The following TMEM272 variants were observed in gnomAD, a reference collection of about 807,000 sequenced individuals.
The protein encoded by TMEM272 is long intergenic non-protein coding RNA 282.
In TMEM272, 8 loss-of-function variants were observed where a neutral mutation model predicts 3.7. The observed-to-expected ratio is 2.17, with a 90% CI of 1.27 to 3.91. TMEM272 has a LOEUF of 3.91. TMEM272 is among the 30% of genes most tolerant of loss of function. TMEM272 has a pLI of 0.00. For missense variants in TMEM272, 166 were observed against 91.5 expected, an observed-to-expected ratio of 1.81 and a Z score of -3.32; for synonymous variants, 63 against 39.8, an observed-to-expected ratio of 1.58 and a Z score of -2.20.
At chr13:51,863,703 ACACAC>A in the TMEM272 span, among the ~76,000 whole-genome samples, 42 of 131,714 alleles carry the variant, frequency 3.2e-4, no homozygotes, top group Admixed American at 7.1e-4. Flanking sequence ...ACACACACAC[ACACAC>A]ACCAGCTATG....
chr13:51,870,002 G>A, the TMEM272 span, among the ~76,000 whole-genome samples: 1 of 152,190 alleles, frequency 6.6e-6, no homozygotes, highest in Non-Finnish European at 1.5e-5. Context: ...CTATTCAAGA[G>A]GTCTAGCTTT....
upstream of TMEM272, among the ~76,000 whole-genome samples, chr13:51,846,221 G>A (rs374071786): frequency 6.6e-6 from 1 of 152,200 alleles, no homozygotes; most frequent in South Asian, 2.1e-4. Context: ...AAGGGGAGGA[G>A]AGCCTGCTAG....
intron 1 of TMEM272, among the ~76,000 whole-genome samples, chr13:51,842,750 C>T (rs907789225): frequency 2.6e-5 from 4 of 152,180 alleles, no homozygotes; most frequent in Non-Finnish European, 5.9e-5. Flanking sequence ...CTTTCTGTTA[C>T]CATTTGGTCT....
chr13:51,841,753 C>T (rs528823658), intron 1 of TMEM272, among the ~76,000 whole-genome samples: 35 of 152,246 alleles, frequency 2.3e-4, no homozygotes, highest in Admixed American at 1.5e-3. Flanking sequence ...CAACACAAGT[C>T]GCAGGTATTA....
the TMEM272 span, among the ~76,000 whole-genome samples, chr13:51,878,098 G>A: frequency 6.6e-6 from 1 of 152,196 alleles, no homozygotes; most frequent in Non-Finnish European, 1.5e-5. Flanking sequence ...GCGGCAGGGA[G>A]AAGTGCCAAG....
the TMEM272 span, among the ~76,000 whole-genome samples, chr13:51,867,488 G>A: frequency 6.6e-6 from 1 of 152,124 alleles, no homozygotes; most frequent in East Asian, 1.9e-4. Context: ...TGGAGAGCTA[G>A]GGAGAGGAGA....
At chr13:51,843,677 C>A (rs1005786594) in intron 1 of TMEM272, among the ~76,000 whole-genome samples, 9 of 152,148 alleles carry the variant, frequency 5.9e-5, no homozygotes, top group African/African-American at 2.2e-4. Flanking sequence ...CCGGGCAGTG[C>A]CTTCTCTCCA....
chr13:51,889,640 G>T, the TMEM272 span, among the ~76,000 whole-genome samples: 4 of 151,902 alleles, frequency 2.6e-5, no homozygotes, highest in East Asian at 5.8e-4. Flanking sequence ...GTGTGTGGGG[G>T]GGTTTTGTTT....
chr13:51,866,956 T>C, the TMEM272 span, among the ~76,000 whole-genome samples: 1 of 152,232 alleles, frequency 6.6e-6, no homozygotes, highest in South Asian at 2.1e-4. Flanking sequence ...ATTGAATGAA[T>C]GTACATGAAT....
chr13:51,885,524 C>T, the TMEM272 span, among the ~76,000 whole-genome samples: 1 of 152,220 alleles, frequency 6.6e-6, no homozygotes, highest in African/African-American at 2.4e-5. Context: ...CAATTACCTA[C>T]CACCGGATCC....
the TMEM272 span, chr13:51,909,350 C>T: frequency 1.1e-6 from 1 of 873,772 alleles, no homozygotes; most frequent in Non-Finnish European, 1.9e-6. Flanking sequence ...AGGTCTCCAG[C>T]TCTTCAGTGG....
rs1337547296 is a variant in TMEM272 at position 51,817,119 on chromosome 13, G to T, written c.202-6C>A. ...TCGTACAACAGGAGAGACACCTGGG[G>T]CGTGGTGGGGAGCCAGGGTGGCAAG... On this transcript the variant is annotated splice_polypyrimidine_tract_variant and splice_region_variant and intron_variant, in intron 4 of 4. Coordinates refer to ENST00000629372, the MANE Select transcript of TMEM272 (RefSeq NM_001351003.2). The T allele has an allele frequency of 1.3e-5, 9 of 697,512 alleles. No individual in the cohort carries two copies. The Admixed American group carries it at 1.8e-4, about 14-fold the overall frequency. 43.2% of individuals were successfully genotyped at this position (697,512 alleles called of 1,614,324 possible). A position where few individuals can be genotyped will look rare whatever the true frequency, so the allele number is the denominator to read the frequency against.
chr13:51,826,163 A>T (rs992926843), intron 3 of TMEM272, among the ~76,000 whole-genome samples: 1 of 143,734 alleles, frequency 7.0e-6, no homozygotes, highest in Admixed American at 6.8e-5. Context: ...AAAAATGTAT[A>T]GAGTGCCCAT....
At chr13:51,886,569 A>C in the TMEM272 span, among the ~76,000 whole-genome samples, 1 of 152,142 alleles carries the variant, frequency 6.6e-6, no homozygotes, top group Non-Finnish European at 1.5e-5. Flanking sequence ...TAACCTCTCC[A>C]CTGTTGGTGT....
the TMEM272 span, among the ~76,000 whole-genome samples, chr13:51,917,154 A>G: frequency 6.6e-6 from 1 of 152,192 alleles, no homozygotes; most frequent in Non-Finnish European, 1.5e-5. Context: ...ACCTGCAAAC[A>G]TCACCATGGA....
chr13:51,908,971 C>A, the TMEM272 span: 10 of 1,410,922 alleles, frequency 7.1e-6, no homozygotes, highest in Non-Finnish European at 1.0e-5. Context: ...CTTCCTCCTC[C>A]CCCTGGAAGC....
the TMEM272 span, chr13:51,910,415 C>A: frequency 1.1e-4 from 110 of 1,000,924 alleles, 1 homozygote; most frequent in South Asian, 1.4e-3. Flanking sequence ...CCACATAAAG[C>A]CGACTCCTAA....
the TMEM272 span, among the ~76,000 whole-genome samples, chr13:51,853,385 G>A: frequency 6.6e-6 from 1 of 151,980 alleles, no homozygotes; most frequent in Non-Finnish European, 1.5e-5. Flanking sequence ...ACTCCAGCCT[G>A]GGCAACATAG....
At chr13:51,840,385 A>G (rs1218502141) in intron 1 of TMEM272, among the ~76,000 whole-genome samples, 2 of 152,244 alleles carry the variant, frequency 1.3e-5, no homozygotes, top group Non-Finnish European at 2.9e-5. Flanking sequence ...ACTGAGGGTC[A>G]GAAAAGTGAA....
Sources: gnomAD v4.1 joint callset for allele counts (sites outside exome capture counted in the v4.1 genomes callset) on GRCh38, gnomAD v4.1.1 for gene constraint, MANE v1.5 for transcripts, NCBI Gene and HGNC (gene_info 2026-07-23, HGNC 2026-07-21) for gene names.